Variants in SNF8 observed in about 807,000 individuals in gnomAD.
SNF8 encodes SNF8 subunit of ESCRT-II, also known as vacuolar-sorting protein SNF8.
A neutral mutation model predicts 36.8 loss-of-function variants in SNF8; 19 were observed. The observed-to-expected ratio is 0.52, with a 90% CI of 0.36 to 0.76. The LOEUF (loss-of-function observed/expected upper bound fraction) is 0.76, where lower values mean the gene tolerates loss of function less well. Among genes scored for constraint, SNF8 ranks in the 30% least tolerant of loss-of-function variants. The probability of loss-of-function intolerance (pLI) is 0.00; values close to 1 mark genes in which losing one functional copy is unlikely to be tolerated. For missense variants in SNF8, 268 were observed against 322.9 expected, an observed-to-expected ratio of 0.83 and a Z score of 1.30; for synonymous variants, 127 against 127.4, an observed-to-expected ratio of 1.00 and a Z score of 0.02.
intron 2 of SNF8, among the ~76,000 whole-genome samples, chr17:48,943,501 G>A (rs1307180000): frequency 1.3e-5 from 2 of 152,168 alleles, no homozygotes; most frequent in African/African-American, 4.8e-5. Flanking sequence ...CTAGCTACTC[G>A]GGAGGCTGAG....
intron 6 of SNF8, chr17:48,932,909 G>C (rs1041884473): frequency 3.2e-6 from 1 of 308,630 alleles, no homozygotes; most frequent in Non-Finnish European, 5.9e-6. Context: ...ACATCAAAGA[G>C]TCTGGCTACC....
rs2040838646 is a variant in SNF8 at position 48,930,349 on chromosome 17, AAAG to A, written c.*123_*125del. On this transcript the variant is annotated 3_prime_UTR_variant, in exon 8 of 8. Coordinates refer to ENST00000502492, the MANE Select transcript of SNF8 (RefSeq NM_007241.4). ...AACGTGAAGGCACTTTTCAAAAATA[AAAG>A]AATGAGGGAAGAAAGAAAAACTTGG... is the stretch of plus-strand genomic sequence containing the variant. 8.7e-7 allele frequency: 1 copy of A among 1,145,326 alleles called. No homozygotes were observed. Among genetic ancestry groups the A allele is most frequent in the African/African-American group, 1.6e-5 (1 of 64,288 alleles). The allele number at this position is 1,145,326 out of a possible 1,614,324, so 70.9% of individuals were successfully genotyped here.
At position 48,936,194 on chromosome 17, in the gene SNF8, C is replaced by G. The variant is rs748843617; in HGVS notation, c.398G>C (p.Gly133Ala). The G allele has an allele frequency of 3.1e-6, 5 of 1,613,768 alleles. No individual in the cohort carries two copies. The highest frequency in any genetic ancestry group is 4.2e-6 in the Non-Finnish European group (5 of 1,179,846). The change falls in exon 5 of 8, where the codon GGC becomes GCC. Residue 133 changes from glycine (G) to alanine (A), a missense_variant. Transcript: ENST00000502492. ...ELHQQVLKGR[G>A]KFAQDVSQDD... ...CTGACTGACATCCTGGGCGAACTTG[C>G]CCCTTCCCTTCAACACCTGTTGATG...
rs1469577382 is a variant in SNF8 at position 48,944,791 on chromosome 17, G to C, written c.-57C>G. On this transcript the variant is annotated 5_prime_UTR_variant, in exon 1 of 8. Transcript: ENST00000502492. Reference sequence around the variant, plus strand: ...CCGGGACCCCGGGTCTCCACGTCCCGGACTCCGCCGCCGGCTCCCCAAGGC... The same window carrying C: ...CCGGGACCCCGGGTCTCCACGTCCCCGACTCCGCCGCCGGCTCCCCAAGGC... 3 of 1,513,460 alleles carry C rather than the reference G, an allele frequency of 2.0e-6. No individual in the cohort carries two copies. The highest frequency in any genetic ancestry group is 1.4e-5 in the African/African-American group (1 of 69,382). 93.8% of individuals were successfully genotyped at this position (1,513,460 alleles called of 1,614,324 possible). A position where few individuals can be genotyped will look rare whatever the true frequency, so the allele number is the denominator to read the frequency against.
intron 5 of SNF8, 146 bp downstream of exon 5, chr17:48,936,024 G>T (rs376406968): frequency 1.7e-6 from 1 of 603,734 alleles, no homozygotes; most frequent in Non-Finnish European, 2.8e-6. Flanking sequence ...TTTTTTGTTT[G>T]TTTTTTGTTT....
At chr17:48,943,501 G>T (rs1307180000) in intron 2 of SNF8, among the ~76,000 whole-genome samples, 3 of 152,050 alleles carry the variant, frequency 2.0e-5, no homozygotes, top group Admixed American at 6.6e-5. Flanking sequence ...CTAGCTACTC[G>T]GGAGGCTGAG....
chr17:48,931,881 G>T, intron 6 of SNF8, 164 bp from the exon 7 acceptor site: 1 of 544,524 alleles, frequency 1.8e-6, no homozygotes. Context: ...AGAGAGAAGT[G>T]ACTTTCAGCA....
Position 48,941,034 on chromosome 17 carries a change from G to A in SNF8, c.134C>T (p.Thr45Ile). The A allele has an allele frequency of 6.2e-7, 1 of 1,613,942 alleles. No homozygotes were observed. Among genetic ancestry groups the A allele is most frequent in the Non-Finnish European group, 8.5e-7 (1 of 1,180,016 alleles). ...TTTGCTGGCAAATTCCTCCAGGTTG[G>A]TCTTGAACATGTCCAACTGCTTTGA... ...QMSKQLDMFK[T>I]NLEEFASKHK... Residue 45 changes from threonine (T) to isoleucine (I), a missense_variant, in exon 3 of 8, where the codon ACC (threonine) becomes ATC (isoleucine). Transcript: ENST00000502492.
intron 5 of SNF8, among the ~76,000 whole-genome samples, chr17:48,934,881 G>A (rs1007830005): frequency 6.6e-6 from 1 of 152,076 alleles, no homozygotes; most frequent in Non-Finnish European, 1.5e-5. Context: ...AATATTCTAG[G>A]TCTTCAAGAT....
intron 3 of SNF8, chr17:48,937,407 C>T (rs1282050563): frequency 8.4e-6 from 4 of 477,324 alleles, no homozygotes; most frequent in Admixed American, 2.7e-5. Context: ...CTAGGTGGAT[C>T]GCTCGAGACC....
intron 3 of SNF8, 90 bp downstream of exon 3, chr17:48,940,834 G>A (rs1029748186): frequency 1.4e-6 from 2 of 1,450,242 alleles, no homozygotes; most frequent in African/African-American, 2.8e-5. Context: ...CTTTCTAGTG[G>A]ATGCCCCAAC....
Position 48,944,727 on chromosome 17 carries a change from C to T in SNF8, c.8G>A (p.Arg3His). The T allele has an allele frequency of 1.2e-6, 2 of 1,609,652 alleles. No homozygotes were observed. The highest frequency in any genetic ancestry group is 1.7e-6 in the Non-Finnish European group (2 of 1,178,626). Residue 3 changes from arginine (R) to histidine (H), a missense_variant, in exon 1 of 8, where the codon CGC becomes CAC. Arg to His is a conservative substitution (Grantham distance 29, BLOSUM62 0). Transcript: ENST00000502492. ...GATGGCGCCAGCTCCCACCCCGCGG[C>T]GGTGCATCCCCACCCTGGGCCCGCG... MH[R>H]RGVGAGAIAK...
Position 48,941,050 on chromosome 17 carries a change from A to G in SNF8, c.118T>C (p.Leu40=), listed in dbSNP as rs1567789393. 8.7e-6 allele frequency: 14 copies of G among 1,613,782 alleles called. No individual in the cohort carries two copies. Among genetic ancestry groups the G allele is most frequent in the African/African-American group, 1.3e-5 (1 of 74,954 alleles). Residue 40 remains leucine (L), a synonymous_variant, in exon 3 of 8, where the codon TTG becomes CTG. Coordinates refer to ENST00000502492, the MANE Select transcript of SNF8 (RefSeq NM_007241.4). The stretch of plus-strand genomic sequence containing the variant: ...TCCAGGTTGGTCTTGAACATGTCCA[A>G]CTGCTTTGACATCTGTTGGATGGAC... ...EDQLAQMSKQ[L]DMFKTNLEEF...
At chr17:48,936,394 A>G (rs2040934617) in intron 4 of SNF8, 152 bp from the exon 5 acceptor site, 1 of 618,936 alleles carries the variant, frequency 1.6e-6, no homozygotes, top group Admixed American at 2.7e-5. Context: ...AACTGACCAT[A>G]ATATGAGAAA....
At chr17:48,937,790 G>A (rs900237203) in intron 3 of SNF8, among the ~76,000 whole-genome samples, 1 of 152,020 alleles carries the variant, frequency 6.6e-6, no homozygotes, top group African/African-American at 2.4e-5. Context: ...GCCGGGCGTG[G>A]TGGCGCGTGC....
intron 2 of SNF8, among the ~76,000 whole-genome samples, chr17:48,943,023 G>A (rs991106896): frequency 1.3e-5 from 2 of 151,298 alleles, no homozygotes; most frequent in Admixed American, 6.6e-5. Context: ...CCGCCACCAC[G>A]CCCGGCTAAT....
At chr17:48,931,930 G>A (rs1452083013) in intron 6 of SNF8, 1 of 438,216 alleles carries the variant, frequency 2.3e-6, no homozygotes, top group East Asian at 4.0e-5. Context: ...CTAAAACTGG[G>A]GTACCGGCCA....
At position 48,942,074 on chromosome 17, in the gene SNF8, A is replaced by G. The variant is rs964475770; in HGVS notation, c.106-1012T>C. The stretch of plus-strand genomic sequence containing the variant: ...CCCTGGGGATCAACTCCAGATAAAG[A>G]ACTGCTCTGGGACTGTAATTTGCCA... On this transcript the variant is annotated intron_variant, in intron 2 of 7. Coordinates refer to ENST00000502492, the MANE Select transcript of SNF8 (RefSeq NM_007241.4). Among the ~76,000 whole-genome samples, 9 of 152,280 alleles carry G rather than the reference A, an allele frequency of 5.9e-5. No homozygotes were observed. The South Asian group carries it at 1.9e-3, about 32-fold the overall frequency.
Position 48,929,677 on chromosome 17 carries a change from G to A in SNF8, c.*798C>T, listed in dbSNP as rs1045103372. The A allele has an allele frequency of 6.6e-6, 1 of 152,138 alleles. No individual in the cohort carries two copies. The highest frequency in any genetic ancestry group is 1.5e-5 in the Non-Finnish European group (1 of 68,044). 9.4% of individuals were successfully genotyped at this position (152,138 alleles called of 1,614,324 possible). On this transcript the variant is annotated 3_prime_UTR_variant, in exon 8 of 8. Coordinates refer to ENST00000502492, the MANE Select transcript of SNF8 (RefSeq NM_007241.4). ...GCATGGGCTCGGGTTAATAGGCCTA[G>A]GCACCAGCTTTAGCTCGGCTGAAGC... is the stretch of plus-strand genomic sequence containing the variant.
Sources: gnomAD v4.1 joint callset for allele counts (sites outside exome capture counted in the v4.1 genomes callset) on GRCh38, gnomAD v4.1.1 for gene constraint, MANE v1.5 for transcripts, NCBI Gene and HGNC (gene_info 2026-07-23, HGNC 2026-07-21) for gene names.